Variants in LAMC1 observed in about 807,000 individuals in gnomAD.
The protein encoded by LAMC1 is laminin subunit gamma 1.
In LAMC1, 38 loss-of-function variants were observed where a neutral mutation model predicts 173.6. The observed-to-expected ratio is 0.22, with a 90% CI of 0.17 to 0.29. LAMC1 has a LOEUF of 0.29. Among genes scored for constraint, LAMC1 ranks in the 10% least tolerant of loss-of-function variants. The pLI, the probability that LAMC1 is intolerant of heterozygous loss-of-function variation, is 1.00. For missense variants in LAMC1, 1,824 were observed against 2,051.8 expected (o/e 0.89, Z 2.14); for synonymous variants, 746 against 749.1 (o/e 1.00, Z 0.07).
At position 183,113,110 on chromosome 1, in the gene LAMC1, A is replaced by G. The variant is rs184906170; in HGVS notation, c.1022-1421A>G. Among the ~76,000 whole-genome samples the G allele has an allele frequency of 3.4e-3, 515 of 152,344 alleles. 2 individuals carry two copies. Among genetic ancestry groups the G allele is most frequent in the Middle Eastern group, 0.01 (3 of 294 alleles). ...AGGATCACTTGAGCCTGGGAGTTTG[A>G]GACCAGTCTGAGCAACAGAGCAAGA... On this transcript the variant is annotated intron_variant, in intron 4 of 27. Transcript: ENST00000258341.
intron 1 of LAMC1, among the ~76,000 whole-genome samples, chr1:183,033,537 A>G (rs1325585899): frequency 6.6e-6 from 1 of 152,202 alleles, no homozygotes; most frequent in Non-Finnish European, 1.5e-5. Context: ...TTGCTATTTA[A>G]TTTCCATGGT....
chr1:183,038,847 C>T (rs1654051100), intron 1 of LAMC1, among the ~76,000 whole-genome samples: 2 of 151,942 alleles, frequency 1.3e-5, no homozygotes. Context: ...GGAATGTCCA[C>T]AGAGACATCC....
rs771973097 is a variant in LAMC1, at chr1:183,130,532, G to A, written c.3469G>A (p.Val1157Ile). The change falls in exon 19 of 28, where the codon GTC becomes ATC. Residue 1157 changes from valine to isoleucine, a missense_variant. Physicochemically the swap from Val to Ile is conservative, Grantham distance 29. Transcript: ENST00000258341. ...IASRELEKAK[V>I]AAANVSVTQP... Reference sequence around the variant, plus strand: ...ATCCAGAGAACTTGAGAAAGCAAAAGTCGCTGCTGCCAATGTGGTAAGTGA... The same window carrying A: ...ATCCAGAGAACTTGAGAAAGCAAAAATCGCTGCTGCCAATGTGGTAAGTGA... 29 of 1,614,074 alleles carry A rather than the reference G, an allele frequency of 1.8e-5. No individual in the cohort carries two copies. In the South Asian group the frequency reaches 2.7e-4, roughly 15 times the overall value.
intron 1 of LAMC1, among the ~76,000 whole-genome samples, chr1:183,081,173 C>T (rs1313160345): frequency 6.6e-6 from 1 of 152,168 alleles, no homozygotes; most frequent in African/African-American, 2.4e-5. Flanking sequence ...TAGGCGTCAG[C>T]CACCGCGCCC....
At chr1:183,054,530 G>T (rs1654532551) in intron 1 of LAMC1, among the ~76,000 whole-genome samples, 1 of 152,166 alleles carries the variant, frequency 6.6e-6, no homozygotes, top group Admixed American at 6.5e-5. Context: ...CAGCCCCTAG[G>T]ATACTGATAT....
chr1:183,124,986 G>C, intron 14 of LAMC1, 110 bp downstream of exon 14: 1 of 1,378,438 alleles, frequency 7.3e-7, no homozygotes, highest in Non-Finnish European at 9.8e-7. Flanking sequence ...GAAATACATT[G>C]TGAACCGCTT....
intron 1 of LAMC1, among the ~76,000 whole-genome samples, chr1:183,041,874 T>C (rs1213296090): frequency 6.6e-6 from 1 of 152,216 alleles, no homozygotes; most frequent in Non-Finnish European, 1.5e-5. Context: ...TTCTATTTCT[T>C]TGAGGCTATG....
At chr1:183,113,709 A>G (rs895241200) in intron 4 of LAMC1, among the ~76,000 whole-genome samples, 1 of 152,170 alleles carries the variant, frequency 6.6e-6, no homozygotes, top group African/African-American at 2.4e-5. Context: ...ATTTTGACCC[A>G]TATGTCTCAA....
chr1:183,115,366 A>C (rs1408868954), intron 5 of LAMC1, among the ~76,000 whole-genome samples, 154 bp from the exon 6 acceptor site: 1 of 152,224 alleles, frequency 6.6e-6, no homozygotes, highest in Admixed American at 6.5e-5. Flanking sequence ...GTTCTGATTT[A>C]AAATTTGGTT....
chr1:183,111,387 G>T (rs553843293), intron 4 of LAMC1, among the ~76,000 whole-genome samples: 2 of 151,962 alleles, frequency 1.3e-5, no homozygotes, highest in African/African-American at 4.8e-5. Context: ...GCGCCTGGCC[G>T]CACAAGATTT....
chr1:183,102,542 C>G (rs1174449310), intron 1 of LAMC1, among the ~76,000 whole-genome samples: 2 of 152,246 alleles, frequency 1.3e-5, no homozygotes, highest in Non-Finnish European at 2.9e-5. Context: ...GACACACTGG[C>G]TGGCAACCAA....
chr1:183,037,843 C>T (rs1654023042), intron 1 of LAMC1, among the ~76,000 whole-genome samples: 1 of 152,114 alleles, frequency 6.6e-6, no homozygotes, highest in Non-Finnish European at 1.5e-5. Context: ...TCTACCACTA[C>T]TTCTAGAACT....
At chr1:183,060,088 A>T (rs1262431515) in intron 1 of LAMC1, among the ~76,000 whole-genome samples, 2 of 152,132 alleles carry the variant, frequency 1.3e-5, no homozygotes, top group African/African-American at 4.8e-5. Flanking sequence ...TTTCAAAGCA[A>T]GCCTTTAGAA....
intron 1 of LAMC1, among the ~76,000 whole-genome samples, 191 bp downstream of exon 1, chr1:183,024,325 C>T (rs1653623959): frequency 6.6e-6 from 1 of 151,964 alleles, no homozygotes; most frequent in Non-Finnish European, 1.5e-5. Context: ...CCCGTGAGGG[C>T]CAGGATGTTC....
intron 2 of LAMC1, among the ~76,000 whole-genome samples, chr1:183,107,353 T>C (rs895023911): frequency 2.6e-5 from 4 of 151,866 alleles, no homozygotes; most frequent in African/African-American, 9.7e-5. Context: ...GGGGTAGCAA[T>C]GTTAGATAAG....
chr1:183,135,220 C>G, intron 24 of LAMC1, 64 bp downstream of exon 24: 1 of 950,180 alleles, frequency 1.1e-6, no homozygotes. Flanking sequence ...TTTTTTTAAT[C>G]ATGACTTTTA....
At chr1:183,060,142 C>T (rs1654704575) in intron 1 of LAMC1, among the ~76,000 whole-genome samples, 1 of 152,168 alleles carries the variant, frequency 6.6e-6, no homozygotes, top group African/African-American at 2.4e-5. Context: ...TTAGAAATCA[C>T]CCTTGGCCCC....
chr1:183,046,061 A>AT lies in LAMC1; in HGVS notation c.418+21933dup, dbSNP rs2102019059. On this transcript the variant is annotated intron_variant, in intron 1 of 27. Coordinates refer to ENST00000258341, the MANE Select transcript of LAMC1 (RefSeq NM_002293.4). ...GTCCAGTGTATAATTTGTCTTTTAC[A>AT]TTTTTTCTGTGATATCTTTTGAACA... Among the ~76,000 whole-genome samples the AT allele has an allele frequency of 1.3e-5, 2 of 151,738 alleles. 1 individual carries two copies. Among genetic ancestry groups the AT allele is most frequent in the South Asian group, 4.2e-4 (2 of 4,798 alleles).
intron 1 of LAMC1, among the ~76,000 whole-genome samples, chr1:183,047,163 G>T (rs557554304): frequency 1.3e-4 from 20 of 152,116 alleles, no homozygotes; most frequent in Admixed American, 3.3e-4. Context: ...ATTAGTTGCT[G>T]TTCATACTGT....
Sources: allele counts gnomAD v4.1 joint callset (sites outside exome capture counted in the v4.1 genomes callset), GRCh38; gene constraint gnomAD v4.1.1; transcripts MANE v1.5; gene names NCBI Gene and HGNC (gene_info 2026-07-23, HGNC 2026-07-21).